Variants in DIP2C observed in about 807,000 individuals in gnomAD.
DIP2C encodes the protein disco-interacting protein 2 homolog C.
In DIP2C, 33 loss-of-function variants were observed where a neutral mutation model predicts 192.4. The ratio of observed to expected loss-of-function variants is 0.17; its 90% CI spans 0.13 to 0.23. DIP2C has a LOEUF of 0.23. Among genes scored for constraint, DIP2C ranks in the 10% least tolerant of loss-of-function variants. The probability of loss-of-function intolerance (pLI) is 1.00; values close to 1 mark genes in which losing one functional copy is unlikely to be tolerated. For missense variants in DIP2C, 1,537 were observed against 2,110.1 expected (o/e 0.73, Z 5.32); for synonymous variants, 979 against 864.1 (o/e 1.13, Z -2.33).
At chr10:565,996 G>A (rs1198773094) in intron 1 of DIP2C, among the ~76,000 whole-genome samples, 2 of 152,140 alleles carry the variant, frequency 1.3e-5, no homozygotes, top group African/African-American at 2.4e-5. Flanking sequence ...TGCAAAGGCC[G>A]GCATTCAGAC....
At chr10:624,627 T>A (rs182379661) in intron 1 of DIP2C, among the ~76,000 whole-genome samples, 2 of 152,076 alleles carry the variant, frequency 1.3e-5, no homozygotes, top group African/African-American at 4.8e-5. Context: ...CAGGGCGGGC[T>A]CCAAAGTCCC....
intron 1 of DIP2C, among the ~76,000 whole-genome samples, chr10:578,785 G>C (rs759647660): frequency 8.4e-5 from 12 of 143,090 alleles, no homozygotes; most frequent in African/African-American, 3.6e-4. Flanking sequence ...TAGTGTACAA[G>C]CATAAGTGCA....
chr10:522,057 C>T (rs1051840501), intron 1 of DIP2C, among the ~76,000 whole-genome samples: 1 of 151,922 alleles, frequency 6.6e-6, no homozygotes, highest in Non-Finnish European at 1.5e-5. Context: ...TGCTTCCCCA[C>T]CCTAAACAGC....
chr10:650,949 G>C, intron 1 of DIP2C: 3 of 717,462 alleles, frequency 4.2e-6, no homozygotes, highest in South Asian at 1.5e-5. Flanking sequence ...ACACAGCTCT[G>C]GCTGTTTCTC....
chr10:508,700 A>G (rs982448592), intron 1 of DIP2C, among the ~76,000 whole-genome samples: 10 of 151,990 alleles, frequency 6.6e-5, no homozygotes, highest in Non-Finnish European at 1.2e-4. Flanking sequence ...CGTAAGAAAA[A>G]AGCCTCCCAT....
At chr10:427,839 G>A (rs1966693685) in intron 4 of DIP2C, among the ~76,000 whole-genome samples, 1 of 152,160 alleles carries the variant, frequency 6.6e-6, no homozygotes, top group South Asian at 2.1e-4. Flanking sequence ...CAGCTATTTT[G>A]TAAACAATTT....
In DIP2C at chr10:484,737, G is replaced by C. The variant is rs1311097247; in HGVS notation, c.157+1722C>G. On this transcript the variant is annotated intron_variant, in intron 2 of 36. Transcript: ENST00000280886. Reference sequence around the variant, plus strand: ...ACTCGGCGGGTGGCCCTTTTCTAATGTGTACCCTGCTGTGGGGCTGGCTCT... The same window carrying C: ...ACTCGGCGGGTGGCCCTTTTCTAATCTGTACCCTGCTGTGGGGCTGGCTCT... The C allele has an allele frequency of 5.6e-6, 9 of 1,594,974 alleles. No individual in the cohort carries two copies. In the South Asian group the frequency reaches 9.0e-5, roughly 16 times the overall value.
In DIP2C at chr10:306,504, T is replaced by C. The variant is rs184017168; in HGVS notation, c.3986+3527A>G. On this transcript the variant is annotated intron_variant, in intron 32 of 36. Transcript: ENST00000280886. The stretch of plus-strand genomic sequence containing the variant: ...ATTAGACGATAATTGGGCAGGTGCC[T>C]TGGAGCTCGCAAGTGAGTGTGCCAT... Among the ~76,000 whole-genome samples the C allele has an allele frequency of 1.9e-3, 287 of 152,338 alleles. 1 individual carries two copies. The highest frequency in any genetic ancestry group is 6.8e-3 in the Middle Eastern group (2 of 294).
chr10:550,550 T>C (rs1210107526), intron 1 of DIP2C, among the ~76,000 whole-genome samples: 1 of 152,096 alleles, frequency 6.6e-6, no homozygotes, highest in Non-Finnish European at 1.5e-5. Context: ...CATTCTCCCA[T>C]TTAAAAATGT....
At chr10:432,373 A>G (rs968945956) in intron 4 of DIP2C, among the ~76,000 whole-genome samples, 4 of 152,206 alleles carry the variant, frequency 2.6e-5, no homozygotes, top group Non-Finnish European at 5.9e-5. Flanking sequence ...TAACAGATAC[A>G]GGCCTATACA....
At chr10:546,136 T>G (rs1269832268) in intron 1 of DIP2C, among the ~76,000 whole-genome samples, 1 of 151,786 alleles carries the variant, frequency 6.6e-6, no homozygotes, top group Non-Finnish European at 1.5e-5. Flanking sequence ...ATAAAAATTA[T>G]CCGGGCTTGG....
intron 3 of DIP2C, among the ~76,000 whole-genome samples, chr10:455,385 G>A (rs867235514): frequency 1.3e-4 from 14 of 110,128 alleles, no homozygotes; most frequent in Admixed American, 2.7e-4. Context: ...AGGGGAGACC[G>A]TGAGGAGTAA....
intron 17 of DIP2C, among the ~76,000 whole-genome samples, chr10:374,078 A>G (rs1052451334): frequency 2.0e-5 from 3 of 152,124 alleles, no homozygotes; most frequent in African/African-American, 4.8e-5. Flanking sequence ...TTCACTAAAC[A>G]TATCTGCAGA....
At chr10:470,844 G>C (rs573057155) in intron 3 of DIP2C, among the ~76,000 whole-genome samples, 1 of 152,308 alleles carries the variant, frequency 6.6e-6, no homozygotes, top group South Asian at 2.1e-4. Flanking sequence ...CTATAAAATG[G>C]AAGATAGACC....
At chr10:564,258 G>A (rs943645940) in intron 1 of DIP2C, among the ~76,000 whole-genome samples, 7 of 151,706 alleles carry the variant, frequency 4.6e-5, no homozygotes, top group African/African-American at 1.5e-4. Flanking sequence ...CTGGGTGAAC[G>A]TCACTGGCTC....
chr10:374,254 G>C (rs925415841), intron 17 of DIP2C, among the ~76,000 whole-genome samples: 18 of 152,094 alleles, frequency 1.2e-4, no homozygotes, highest in African/African-American at 3.9e-4. Flanking sequence ...TACATACCTA[G>C]AAAGAAAATG....
intron 31 of DIP2C, among the ~76,000 whole-genome samples, chr10:317,663 G>A (rs1039050245): frequency 6.6e-6 from 1 of 152,230 alleles, no homozygotes; most frequent in African/African-American, 2.4e-5. Flanking sequence ...ACTTGAAGCT[G>A]TGCAGTTACA....
At chr10:477,889 G>A (rs1414490189) in intron 2 of DIP2C, among the ~76,000 whole-genome samples, 1 of 120,484 alleles carries the variant, frequency 8.3e-6, no homozygotes, top group African/African-American at 3.3e-5. Context: ...CGAGAGAGAA[G>A]AAAAGGAAAA....
At chr10:553,644 C>T (rs1848694063) in intron 1 of DIP2C, among the ~76,000 whole-genome samples, 1 of 152,196 alleles carries the variant, frequency 6.6e-6, no homozygotes, top group African/African-American at 2.4e-5. Context: ...CTTCAAGAAA[C>T]ATACATCATA....
Sources: allele counts gnomAD v4.1 joint callset (sites outside exome capture counted in the v4.1 genomes callset), GRCh38; gene constraint gnomAD v4.1.1; transcripts MANE v1.5; gene names NCBI Gene and HGNC (gene_info 2026-07-23, HGNC 2026-07-21).